MGAT4C: variants seen among roughly 807,000 people sequenced by gnomAD.
MGAT4C encodes the protein alpha-1,3-mannosyl-glycoprotein 4-beta-N-acetylglucosaminyltransferase C.
In MGAT4C, 19 loss-of-function variants were observed where a neutral mutation model predicts 40.1. That is an observed-to-expected ratio of 0.47 (90% CI 0.33 to 0.70). The LOEUF (loss-of-function observed/expected upper bound fraction) is 0.70, where lower values mean the gene tolerates loss of function less well. Ranked by LOEUF, MGAT4C falls within the 30% of genes least tolerant of loss-of-function variation. MGAT4C has a pLI of 0.02. For missense variants in MGAT4C, 491 were observed against 563.2 expected (o/e 0.87, Z 1.30); for synonymous variants, 181 against 187.1 (o/e 0.97, Z 0.27).
intron 2 of MGAT4C, among the ~76,000 whole-genome samples, chr12:86,470,714 T>C (rs934474428): frequency 6.6e-6 from 1 of 152,152 alleles, no homozygotes; most frequent in Non-Finnish European, 1.5e-5. Flanking sequence ...TGCAACTGTG[T>C]ATCTTTTAGT....
rs1011455484 is a variant in MGAT4C, at chr12:86,307,440, C to A, written c.-57+26625G>T. Among the ~76,000 whole-genome samples, 3 of 150,248 alleles carry A rather than the reference C, an allele frequency of 2.0e-5. No individual in the cohort carries two copies. In the South Asian group the frequency reaches 6.3e-4, roughly 31 times the overall value. The stretch of plus-strand genomic sequence containing the variant: ...GAAGAAAAGGATGGAGAGATGCATT[C>A]CATTTAAAGTGATAATAAGAATTAT... On this transcript the variant is annotated intron_variant, in intron 4 of 7. Transcript: ENST00000548651.
At chr12:86,447,916 A>C (rs1957366892) in intron 2 of MGAT4C, among the ~76,000 whole-genome samples, 1 of 152,100 alleles carries the variant, frequency 6.6e-6, no homozygotes. Flanking sequence ...ACTATGGCTG[A>C]GCTTCCCATG....
chr12:86,354,136 T>G (rs1445931827), intron 3 of MGAT4C, among the ~76,000 whole-genome samples: 2 of 152,074 alleles, frequency 1.3e-5, no homozygotes, highest in African/African-American at 2.4e-5. Context: ...GACCAAAATA[T>G]CACTGCCAAG....
intron 1 of MGAT4C, among the ~76,000 whole-genome samples, chr12:86,140,993 G>A (rs1593052899): frequency 6.6e-6 from 1 of 152,128 alleles, no homozygotes; most frequent in Non-Finnish European, 1.5e-5. Flanking sequence ...AATGAAATGT[G>A]CAGAGTGTCA....
At chr12:86,658,230 GA>G (rs1459223820) in intron 2 of MGAT4C, among the ~76,000 whole-genome samples, 1 of 151,996 alleles carries the variant, frequency 6.6e-6, no homozygotes, top group Non-Finnish European at 1.5e-5. Flanking sequence ...TACATGCTCA[GA>G]AAACAATTAT....
At chr12:86,446,680 T>TATATATATATAC (rs1565769375) in intron 2 of MGAT4C, among the ~76,000 whole-genome samples, 3 of 120,132 alleles carry the variant, frequency 2.5e-5, no homozygotes, top group Non-Finnish European at 5.2e-5. Flanking sequence ...TATATATATA[T>TATATATATATAC]ATATATATAT....
intron 1 of MGAT4C, among the ~76,000 whole-genome samples, chr12:86,073,020 C>G (rs1592853682): frequency 6.6e-6 from 1 of 152,134 alleles, no homozygotes; most frequent in East Asian, 1.9e-4. Context: ...TGGCTGTGCC[C>G]TCACACAAAT....
At chr12:86,242,443 T>C (rs1431433871) in intron 1 of MGAT4C, among the ~76,000 whole-genome samples, 1 of 152,156 alleles carries the variant, frequency 6.6e-6, no homozygotes, top group Admixed American at 6.5e-5. Flanking sequence ...TTTTGATACT[T>C]TGTCCATGTG....
At position 86,822,195 on chromosome 12, in the gene MGAT4C, C is replaced by A. The variant is rs116607132; in HGVS notation, c.-262+16471G>T. Among the ~76,000 whole-genome samples, 587 of 150,778 alleles carry A rather than the reference C, an allele frequency of 3.9e-3. 1 individual carries two copies. The highest frequency in any genetic ancestry group is 0.014 in the African/African-American group (574 of 41,318). ...CACATTAAAGAAAAAAATACATATA[C>A]CTATAGAAGTTACAAAAAAGTCAAA... On this transcript the variant is annotated intron_variant, in intron 1 of 7. Transcript: ENST00000548651.
At chr12:86,700,930 T>C (rs1394175053) in intron 2 of MGAT4C, among the ~76,000 whole-genome samples, 1 of 151,988 alleles carries the variant, frequency 6.6e-6, no homozygotes, top group Non-Finnish European at 1.5e-5. Flanking sequence ...AACTGGCAAA[T>C]GAGAAAGTGA....
intron 2 of MGAT4C, among the ~76,000 whole-genome samples, chr12:86,511,368 G>T (rs187503130): frequency 1.3e-5 from 2 of 152,048 alleles, no homozygotes; most frequent in Non-Finnish European, 2.9e-5. Context: ...ACCGTTTTCA[G>T]TGCATAAGTC....
At chr12:86,206,064 T>A (rs1306210146) in intron 1 of MGAT4C, among the ~76,000 whole-genome samples, 1 of 152,020 alleles carries the variant, frequency 6.6e-6, no homozygotes, top group Non-Finnish European at 1.5e-5. Context: ...AGGAAGCCAA[T>A]GTGCTATGGA....
Position 86,828,543 on chromosome 12 carries a change from G to A in MGAT4C, c.-262+10123C>T, listed in dbSNP as rs190905696. Reference sequence around the variant, plus strand: ...TGGTTTTGAAACACACATTCATAATGTGAATAGAGATTCTAGGAAAATGAG... The same window carrying A: ...TGGTTTTGAAACACACATTCATAATATGAATAGAGATTCTAGGAAAATGAG... On this transcript the variant is annotated intron_variant, in intron 1 of 7. Coordinates refer to the MGAT4C transcript ENST00000548651. Among the ~76,000 whole-genome samples, 4 of 151,550 alleles carry A rather than the reference G, an allele frequency of 2.6e-5. No homozygotes were observed. In the Admixed American group the frequency reaches 2.6e-4, roughly 10 times the overall value.
chr12:86,536,900 T>A (rs1471231541), intron 2 of MGAT4C, among the ~76,000 whole-genome samples: 1 of 152,212 alleles, frequency 6.6e-6, no homozygotes, highest in Non-Finnish European at 1.5e-5. Flanking sequence ...ATCATGCTGC[T>A]ATAAAGACAC....
At chr12:86,170,169 G>C (rs973963736) in intron 1 of MGAT4C, among the ~76,000 whole-genome samples, 7 of 152,144 alleles carry the variant, frequency 4.6e-5, no homozygotes, top group Non-Finnish European at 1.0e-4. Flanking sequence ...CAGAGTTTTT[G>C]AACATTCGTG....
chr12:86,455,867 C>A (rs1041943523), intron 2 of MGAT4C, among the ~76,000 whole-genome samples: 1 of 151,874 alleles, frequency 6.6e-6, no homozygotes, highest in African/African-American at 2.4e-5. Flanking sequence ...TCATTCAGTA[C>A]CCTGTCAAAA....
intron 1 of MGAT4C, among the ~76,000 whole-genome samples, chr12:86,069,722 A>G (rs1479557841): frequency 1.3e-5 from 2 of 152,062 alleles, no homozygotes; most frequent in Non-Finnish European, 2.9e-5. Flanking sequence ...TGGCTCACTA[A>G]AGTTACTACT....
At chr12:86,457,496 A>G (rs1957528684) in intron 2 of MGAT4C, among the ~76,000 whole-genome samples, 1 of 152,150 alleles carries the variant, frequency 6.6e-6, no homozygotes, top group Non-Finnish European at 1.5e-5. Context: ...ACCATAATCT[A>G]GGTGGAAAGA....
chr12:86,205,756 AT>A (rs1270767966), intron 1 of MGAT4C, among the ~76,000 whole-genome samples: 2 of 151,998 alleles, frequency 1.3e-5, no homozygotes, highest in African/African-American at 4.8e-5. Flanking sequence ...TTGACTCTAT[AT>A]TTCCAGAATT....
Sources: allele counts gnomAD v4.1 joint callset (sites outside exome capture counted in the v4.1 genomes callset), GRCh38; gene constraint gnomAD v4.1.1; transcripts MANE v1.5; gene names NCBI Gene and HGNC (gene_info 2026-07-23, HGNC 2026-07-21).